Variants in MRPL22 observed in about 807,000 individuals in gnomAD.
MRPL22 encodes the protein mitochondrial ribosomal protein L22.
In MRPL22, 27 loss-of-function variants were observed where a neutral mutation model predicts 32.4. That is an observed-to-expected ratio of 0.83 (90% CI 0.61 to 1.15). MRPL22 has a LOEUF of 1.15. Ranked by LOEUF, MRPL22 falls within the 50% of genes most tolerant of loss-of-function variation. MRPL22 has a pLI of 0.00. For synonymous variants in MRPL22, 86 were observed against 87.3 expected (o/e 0.99, Z 0.08); for missense variants, 239 against 260.2 (o/e 0.92, Z 0.56).
At chr5:154,964,347 T>C (rs1388704754) in intron 6 of MRPL22, among the ~76,000 whole-genome samples, 1 of 152,204 alleles carries the variant, frequency 6.6e-6, no homozygotes, top group African/African-American at 2.4e-5. Flanking sequence ...CAGATCAGCA[T>C]TACAGTGTTA....
At chr5:154,959,871 G>T in intron 5 of MRPL22, 109 bp from the exon 6 acceptor site, 1 of 714,888 alleles carries the variant, frequency 1.4e-6, no homozygotes, top group South Asian at 1.8e-5. Context: ...AATTGACTAT[G>T]GAAGCATGTG....
intron 2 of MRPL22, among the ~76,000 whole-genome samples, chr5:154,947,267 G>C (rs1459226652): frequency 1.3e-5 from 2 of 152,172 alleles, no homozygotes; most frequent in South Asian, 2.1e-4. Flanking sequence ...TTAGGATTTA[G>C]ACCAAGGTCT....
At position 154,967,543 on chromosome 5, in the gene MRPL22, A is replaced by G. The variant is rs532750828; in HGVS notation, c.*646A>G. On this transcript the variant is annotated 3_prime_UTR_variant, in exon 7 of 7. Coordinates refer to ENST00000523037, the MANE Select transcript of MRPL22 (RefSeq NM_014180.4). The surrounding 1 kb of genome is among the most constrained non-coding windows in gnomAD (Gnocchi z 4.7). ...TCCAACAGTGCTTTATATTGTTTGG[A>G]TATCTTGTTTAGGATTGATTTATTT... 6.6e-6 allele frequency: 1 copy of G among 152,274 alleles called. No individual in the cohort carries two copies. Among genetic ancestry groups the G allele is most frequent in the South Asian group, 2.1e-4 (1 of 4,818 alleles). The allele number at this position is 152,274 out of a possible 1,614,324, so 9.4% of individuals were successfully genotyped here.
chr5:154,956,503 AC>A (rs1372068333), intron 4 of MRPL22, 67 bp downstream of exon 4: 1 of 988,840 alleles, frequency 1.0e-6, no homozygotes, highest in Non-Finnish European at 1.5e-6. Flanking sequence ...TCCCCTCCCC[AC>A]CCCTCACCCC....
At chr5:154,956,113 T>C (rs1294730816) in intron 3 of MRPL22, 1 of 354,816 alleles carries the variant, frequency 2.8e-6, no homozygotes, top group Non-Finnish European at 5.0e-6. Context: ...ATAGAAATGT[T>C]GCAAGTGTTG....
intron 5 of MRPL22, 130 bp downstream of exon 5, chr5:154,957,342 A>C: frequency 2.9e-6 from 2 of 680,724 alleles, no homozygotes; most frequent in Non-Finnish European, 5.1e-6. Context: ...ACTTTATATA[A>C]TACAGATTTA....
intron 3 of MRPL22, 140 bp downstream of exon 3, chr5:154,951,078 C>G (rs1406038554): frequency 3.2e-6 from 2 of 634,304 alleles, no homozygotes; most frequent in Non-Finnish European, 5.5e-6. Flanking sequence ...CTAGATTTAT[C>G]TCTTCAATAG....
chr5:154,962,579 A>G lies in MRPL22; in HGVS notation c.409+2530A>G, dbSNP rs566612808. Among the ~76,000 whole-genome samples, 127 of 152,166 alleles carry G rather than the reference A, an allele frequency of 8.3e-4. 2 individuals carry two copies. Among genetic ancestry groups the G allele is most frequent in the African/African-American group, 3.6e-4 (15 of 41,446 alleles). On this transcript the variant is annotated intron_variant, in intron 6 of 6. Transcript: ENST00000523037. Reference sequence around the variant, plus strand: ...AAAGGAAGTGCTTTTTTGATAGCATATGTTCTCATTATATGGTAACTCTTT... The same window carrying G: ...AAAGGAAGTGCTTTTTTGATAGCATGTGTTCTCATTATATGGTAACTCTTT...
rs149805434 is a variant in MRPL22, at chr5:154,966,743, G to T, written c.467G>T (p.Gly156Val). Reference protein sequence around the residue: ...CLKRIRYHGRGRFGIMEKVYC... With the variant: ...CLKRIRYHGRVRFGIMEKVYC... ...AAACGCATCCGCTACCATGGCAGAG[G>T]TCGCTTTGGGATCATGGAGAAGGTT... is the stretch of plus-strand genomic sequence containing the variant. Residue 156 changes from glycine to valine, a missense_variant, in exon 7 of 7, where the codon GGT becomes GTT. By Grantham distance (109) the Gly-to-Val change is moderately radical. Coordinates refer to ENST00000523037, the MANE Select transcript of MRPL22 (RefSeq NM_014180.4). The T allele has an allele frequency of 1.2e-6, 2 of 1,614,196 alleles. No homozygotes were observed. The highest frequency in any genetic ancestry group is 2.2e-5 in the South Asian group (2 of 91,086).
chr5:154,957,240 G>A (rs780720291), intron 5 of MRPL22, 28 bp downstream of exon 5: 3 of 1,564,174 alleles, frequency 1.9e-6, no homozygotes, highest in Non-Finnish European at 2.6e-6. Context: ...GGTGTGGTAG[G>A]GAATGGGGAA....
intron 6 of MRPL22, among the ~76,000 whole-genome samples, chr5:154,965,960 A>G (rs1446944047): frequency 6.6e-6 from 1 of 152,162 alleles, no homozygotes; most frequent in African/African-American, 2.4e-5. Context: ...TTTTAATTAC[A>G]TTCCCTAGGT....
chr5:154,953,263 G>A (rs1427750480), intron 3 of MRPL22, among the ~76,000 whole-genome samples: 1 of 150,878 alleles, frequency 6.6e-6, no homozygotes, highest in Non-Finnish European at 1.5e-5. Context: ...GCTGAGGCAG[G>A]AGAATCACTT....
intron 4 of MRPL22, chr5:154,956,913 G>A (rs1764637586): frequency 4.1e-6 from 2 of 490,850 alleles, no homozygotes; most frequent in Non-Finnish European, 7.2e-6. Context: ...GTCTTTTAAT[G>A]TTATTGAAAC....
rs1764791825 is a variant in MRPL22 at position 154,968,060 on chromosome 5, C to T, written c.*1163C>T. ...TGTGCTAGTATTTTACATAATTCTT[C>T]ACAACATCCTGAAAATGTAGCTTTT... is the stretch of plus-strand genomic sequence containing the variant. On this transcript the variant is annotated 3_prime_UTR_variant, in exon 7 of 7. Coordinates refer to ENST00000523037, the MANE Select transcript of MRPL22 (RefSeq NM_014180.4). 6.6e-6 allele frequency: 1 copy of T among 152,156 alleles called. No individual in the cohort carries two copies. Among genetic ancestry groups the T allele is most frequent in the Non-Finnish European group, 1.5e-5 (1 of 68,030 alleles). The allele number at this position is 152,156 out of a possible 1,614,324, so 9.4% of individuals were successfully genotyped here.
intron 2 of MRPL22, among the ~76,000 whole-genome samples, chr5:154,942,072 G>A (rs557429055): frequency 6.6e-6 from 1 of 152,118 alleles, no homozygotes; most frequent in South Asian, 2.1e-4. Context: ...TGAGCGTTAT[G>A]TTAGTACCTA....
intron 6 of MRPL22, among the ~76,000 whole-genome samples, chr5:154,960,432 A>G (rs1764686852): frequency 6.6e-6 from 1 of 152,200 alleles, no homozygotes; most frequent in Admixed American, 6.5e-5. Flanking sequence ...AAAAATTTTT[A>G]TTTATAATGT....
At chr5:154,947,444 A>G (rs1764506503) in intron 2 of MRPL22, among the ~76,000 whole-genome samples, 1 of 152,318 alleles carries the variant, frequency 6.6e-6, no homozygotes, top group Non-Finnish European at 1.5e-5. Flanking sequence ...TAATCTTGAT[A>G]TTAGGATAGG....
intron 6 of MRPL22, among the ~76,000 whole-genome samples, chr5:154,961,467 T>G (rs1764700408): frequency 6.6e-6 from 1 of 152,214 alleles, no homozygotes; most frequent in Non-Finnish European, 1.5e-5. Flanking sequence ...GATGTGAGAT[T>G]CGTAGCTGAT....
intron 3 of MRPL22, among the ~76,000 whole-genome samples, chr5:154,954,652 T>C (rs2113539296): frequency 6.6e-6 from 1 of 152,330 alleles, no homozygotes; most frequent in East Asian, 1.9e-4. Flanking sequence ...TTTGCCTTTC[T>C]TGTAAACACT....
Sources: allele counts gnomAD v4.1 joint callset (sites outside exome capture counted in the v4.1 genomes callset), GRCh38; gene constraint gnomAD v4.1.1; non-coding constraint Gnocchi (gnomAD v3.1); transcripts MANE v1.5; gene names NCBI Gene and HGNC (gene_info 2026-07-23, HGNC 2026-07-21).